Variants in DOCK10 observed in about 807,000 individuals in gnomAD.
The protein encoded by DOCK10 is dedicator of cytokinesis 10, also known as dedicator of cytokinesis protein 10.
Under a neutral mutation model 280.1 loss-of-function variants are expected in DOCK10, and 145 were observed. The ratio of observed to expected loss-of-function variants is 0.52; its 90% CI spans 0.45 to 0.59. DOCK10 has a LOEUF of 0.59. DOCK10 is among the 20% of genes least tolerant of loss of function. The pLI, the probability that DOCK10 is intolerant of heterozygous loss-of-function variation, is 0.00. For synonymous variants in DOCK10, 915 were observed against 942.2 expected (o/e 0.97, Z 0.53); for missense variants, 2,368 against 2,651.7 (o/e 0.89, Z 2.35).
intron 2 of DOCK10, among the ~76,000 whole-genome samples, chr2:224,926,579 G>A (rs1702057214): frequency 6.6e-6 from 1 of 152,188 alleles, no homozygotes. Context: ...GCTGATATCA[G>A]CTATGAGCCA....
At chr2:225,026,256 C>T (rs1317920728) in intron 1 of DOCK10, among the ~76,000 whole-genome samples, 1 of 152,148 alleles carries the variant, frequency 6.6e-6, no homozygotes. Context: ...GAGATGTAAT[C>T]CTCTGAGGGC....
intron 1 of DOCK10, among the ~76,000 whole-genome samples, chr2:224,987,041 A>T (rs753611577): frequency 1.4e-4 from 22 of 152,166 alleles, no homozygotes; most frequent in Non-Finnish European, 2.9e-4. Context: ...GGCCAGCAGA[A>T]CATGGTTTCC....
At chr2:224,784,301 A>G (rs1018580991) in intron 50 of DOCK10, among the ~76,000 whole-genome samples, 6 of 152,210 alleles carry the variant, frequency 3.9e-5, no homozygotes, top group South Asian at 2.1e-4. Context: ...GGAGGTGCTT[A>G]CCAATAACCA....
chr2:225,014,109 T>TTAAAA (rs1689527543), intron 1 of DOCK10, among the ~76,000 whole-genome samples: 1 of 145,262 alleles, frequency 6.9e-6, no homozygotes, highest in Non-Finnish European at 1.5e-5. Flanking sequence ...TTTTTTTTTT[T>TTAAAA]AAGAAATACA....
chr2:224,976,937 T>C (rs921149205), intron 1 of DOCK10, among the ~76,000 whole-genome samples: 2 of 152,206 alleles, frequency 1.3e-5, no homozygotes, highest in African/African-American at 2.4e-5. Flanking sequence ...CCACAAACTG[T>C]ATAGTTAATC....
At chr2:224,766,207 T>C (rs1021092219) in intron 55 of DOCK10, among the ~76,000 whole-genome samples, 2 of 152,216 alleles carry the variant, frequency 1.3e-5, no homozygotes, top group Admixed American at 6.5e-5. Flanking sequence ...TTTAAATGTT[T>C]GCATAAAAGG....
At chr2:224,927,770 C>T (rs79699029) in intron 2 of DOCK10, among the ~76,000 whole-genome samples, 2,555 of 152,144 alleles carry the variant, frequency 0.017, 69 homozygotes, top group African/African-American at 0.059. Context: ...TTCAGCAGCT[C>T]GTGGGTGCTG....
chr2:224,935,009 T>G (rs2126040049), intron 1 of DOCK10, among the ~76,000 whole-genome samples: 1 of 152,284 alleles, frequency 6.6e-6, no homozygotes, highest in African/African-American at 2.4e-5. Flanking sequence ...ATTAAGAGAT[T>G]TCTTTGATCT....
intron 1 of DOCK10, among the ~76,000 whole-genome samples, chr2:224,957,726 G>A (rs972357832): frequency 6.6e-5 from 10 of 152,112 alleles, no homozygotes; most frequent in Non-Finnish European, 1.3e-4. Context: ...TCAAATCAGT[G>A]CCCTCTTTCA....
chr2:224,878,533 T>C (rs1033740745), intron 7 of DOCK10, among the ~76,000 whole-genome samples: 1 of 152,206 alleles, frequency 6.6e-6, no homozygotes, highest in African/African-American at 2.4e-5. Context: ...TACTTGACAT[T>C]GCCCCGGCAC....
intron 3 of DOCK10, 135 bp downstream of exon 3, chr2:224,916,560 A>T: frequency 1.9e-6 from 1 of 525,896 alleles, no homozygotes. Flanking sequence ...AAAAAAAAAA[A>T]AAGACATCCA....
At chr2:224,867,075 T>TACACAC (rs61496329) in intron 11 of DOCK10, among the ~76,000 whole-genome samples, 17,804 of 144,202 alleles carry the variant, frequency 0.12, 1,114 homozygotes, top group Middle Eastern at 0.18. Context: ...AGCTAAGAAA[T>TACACAC]ACACACACAC....
chr2:224,796,267 T>C, intron 44 of DOCK10, 49 bp downstream of exon 44: 2 of 1,186,908 alleles, frequency 1.7e-6, no homozygotes, highest in Non-Finnish European at 2.4e-6. Flanking sequence ...AAGAATCCAC[T>C]TCAGATTTAA....
At chr2:224,905,985 GTATT>G (rs1326394922) in intron 3 of DOCK10, among the ~76,000 whole-genome samples, 3 of 151,974 alleles carry the variant, frequency 2.0e-5, no homozygotes, top group African/African-American at 7.3e-5. Context: ...CCAGACCTAT[GTATT>G]TATCTTCTTC....
chr2:224,845,967 G>A lies in DOCK10; in HGVS notation c.2236-325C>T, dbSNP rs543123620. Among the ~76,000 whole-genome samples, 8 of 152,122 alleles carry A rather than the reference G, an allele frequency of 5.3e-5. No homozygotes were observed. In the South Asian group the frequency reaches 8.3e-4, roughly 16 times the overall value. Reference sequence around the variant, plus strand: ...TCAAACTCCTGACCTCAAGTGATCCGCCCGCCTTGGCCTCCCAAAGTGCTG... The same window carrying A: ...TCAAACTCCTGACCTCAAGTGATCCACCCGCCTTGGCCTCCCAAAGTGCTG... On this transcript the variant is annotated intron_variant, in intron 19 of 55. Transcript: ENST00000258390.
At chr2:224,916,267 G>A (rs918033693) in intron 3 of DOCK10, among the ~76,000 whole-genome samples, 5 of 152,072 alleles carry the variant, frequency 3.3e-5, no homozygotes, top group Admixed American at 6.5e-5. Flanking sequence ...ATGGCCGGAC[G>A]CGGTGGCTCA....
intron 3 of DOCK10, among the ~76,000 whole-genome samples, chr2:224,900,910 G>T (rs1232929677): frequency 2.0e-5 from 3 of 152,088 alleles, no homozygotes; most frequent in Admixed American, 1.3e-4. Flanking sequence ...TTATCAAAGG[G>T]TTCTGTTTAA....
At chr2:224,827,005 G>GT (rs1320061503) in intron 27 of DOCK10, among the ~76,000 whole-genome samples, 2 of 151,844 alleles carry the variant, frequency 1.3e-5, no homozygotes, top group Non-Finnish European at 2.9e-5. Context: ...GCTCATGCCT[G>GT]TAATTCCAGC....
intron 4 of DOCK10, 53 bp downstream of exon 4, chr2:224,896,242 G>A: frequency 9.3e-7 from 1 of 1,073,646 alleles, no homozygotes; most frequent in Non-Finnish European, 1.4e-6. Context: ...CTAGAACAGA[G>A]GATGTCATCT....
Sources: allele counts gnomAD v4.1 joint callset (sites outside exome capture counted in the v4.1 genomes callset), GRCh38; gene constraint gnomAD v4.1.1; transcripts MANE v1.5; gene names NCBI Gene and HGNC (gene_info 2026-07-23, HGNC 2026-07-21).